SEMA5B: variants seen among roughly 807,000 people sequenced by gnomAD.
SEMA5B encodes the protein semaphorin-5B.
Under a neutral mutation model 135.0 loss-of-function variants are expected in SEMA5B, and 66 were observed. The observed-to-expected ratio is 0.49, with a 90% CI of 0.40 to 0.60. The LOEUF is 0.60. Ranked by LOEUF, SEMA5B falls within the 20% of genes least tolerant of loss-of-function variation. The pLI is 0.00. For missense variants in SEMA5B, 1,501 were observed against 1,566.3 expected (o/e 0.96, Z 0.70); for synonymous variants, 690 against 639.5 (o/e 1.08, Z -1.19).
rs1441329372 is a variant in SEMA5B, at chr3:122,914,716, T to C, written c.1989-715A>G. On this transcript the variant is annotated intron_variant, in intron 14 of 22. Transcript: ENST00000357599. ...TGGGACGCTGAGGTGGGAGGAACAC[T>C]TGAAGCCAGGAGTTTGAGACCAGCC... 3.3e-5 allele frequency among the ~76,000 whole-genome samples: 5 copies of C among 152,202 alleles called. No homozygotes were observed. The South Asian group carries it at 8.3e-4, about 25-fold the overall frequency.
At chr3:122,974,088 C>G (rs1363238232) in intron 1 of SEMA5B, among the ~76,000 whole-genome samples, 3 of 152,002 alleles carry the variant, frequency 2.0e-5, no homozygotes, top group Non-Finnish European at 2.9e-5. Flanking sequence ...GAGAGAGAGC[C>G]CAGGCACACC....
In SEMA5B at chr3:122,922,286, C is replaced by A. The variant is rs567705470; in HGVS notation, c.1434G>T (p.Leu478=). 1 of 1,614,054 alleles carries A rather than the reference C, an allele frequency of 6.2e-7. No homozygotes were observed. Among genetic ancestry groups the A allele is most frequent in the East Asian group, 2.2e-5 (1 of 44,872 alleles). ...GGTAGAGCGTGTCTTTAGCCTGCAC[C>A]AGGTCCACCACGAGGTGTGAGAAGC... ...SVRFSHLVVD[L]VQAKDTLYHV... The change falls in exon 11 of 23, where the codon CTG becomes CTT. Residue 478 remains leucine (L), a synonymous_variant. Transcript: ENST00000357599.
At chr3:122,919,058 T>C (rs574433698) in intron 12 of SEMA5B, among the ~76,000 whole-genome samples, 4 of 150,860 alleles carry the variant, frequency 2.7e-5, no homozygotes, top group Admixed American at 6.6e-5. Context: ...AAGGAACAGG[T>C]TCATTCCATG....
At chr3:122,953,852 AG>A (rs1940163169) in intron 2 of SEMA5B, among the ~76,000 whole-genome samples, 1 of 152,172 alleles carries the variant, frequency 6.6e-6, no homozygotes, top group African/African-American at 2.4e-5. Flanking sequence ...TTATGGTCAA[AG>A]GGGTAGGCCC....
rs570868731 is a variant in SEMA5B at position 122,918,868 on chromosome 3, A to G, written c.1689-2978T>C. ...CTTCAAAGCTTACAGAGCAGGGAAC[A>G]CTCTTAAGAAAAATGAAAGCTCCAA... On this transcript the variant is annotated intron_variant, in intron 12 of 22. Coordinates refer to ENST00000357599, the MANE Select transcript of SEMA5B (RefSeq NM_001031702.4). Among the ~76,000 whole-genome samples the G allele has an allele frequency of 1.8e-4, 27 of 152,102 alleles. 1 individual carries two copies. Among genetic ancestry groups the G allele is most frequent in the African/African-American group, 5.3e-4 (22 of 41,498 alleles).
intron 5 of SEMA5B, among the ~76,000 whole-genome samples, chr3:122,931,240 T>C (rs954513009): frequency 3.5e-4 from 53 of 152,332 alleles, no homozygotes; most frequent in African/African-American, 1.2e-3. Flanking sequence ...AAAATATGTA[T>C]CAATCTCAGT....
intron 11 of SEMA5B, 55 bp downstream of exon 11, chr3:122,922,185 G>A: frequency 1.3e-6 from 2 of 1,571,314 alleles, no homozygotes; most frequent in South Asian, 2.3e-5. Context: ...GCAGCCCCGC[G>A]CCGTCCCTCA....
intron 9 of SEMA5B, among the ~76,000 whole-genome samples, chr3:122,925,860 G>A (rs1938604434): frequency 6.6e-6 from 1 of 151,796 alleles, no homozygotes; most frequent in African/African-American, 2.4e-5. Context: ...CAGAGGGAGG[G>A]GGTGGGAGGA....
intron 1 of SEMA5B, among the ~76,000 whole-genome samples, chr3:123,024,016 G>T (rs1312184188): frequency 2.0e-5 from 3 of 152,172 alleles, no homozygotes; most frequent in Non-Finnish European, 4.4e-5. Flanking sequence ...TCAGCTCTGG[G>T]TTCTTTAAGG....
At chr3:123,016,026 T>A (rs1318320207) in intron 1 of SEMA5B, among the ~76,000 whole-genome samples, 3 of 152,144 alleles carry the variant, frequency 2.0e-5, no homozygotes, top group Non-Finnish European at 4.4e-5. Flanking sequence ...CCAGGTCCAC[T>A]GGAGGGAAGA....
At chr3:123,020,793 C>T (rs979771766) in intron 1 of SEMA5B, among the ~76,000 whole-genome samples, 20 of 152,120 alleles carry the variant, frequency 1.3e-4, no homozygotes, top group African/African-American at 3.6e-4. Context: ...GTGGTTTTTA[C>T]GGAAGCCAGT....
At position 122,924,706 on chromosome 3, in the gene SEMA5B, C is replaced by T. The variant is rs527654831; in HGVS notation, c.1137-954G>A. Among the ~76,000 whole-genome samples, 4 of 152,318 alleles carry T rather than the reference C, an allele frequency of 2.6e-5. No individual in the cohort carries two copies. In the East Asian group the frequency reaches 5.8e-4, roughly 22 times the overall value. Reference sequence around the variant, plus strand: ...TCTTGCCACACTGATCTCTGCTCAGCTCCTGAAACATTTCTTCCCACCTCA... The same window carrying T: ...TCTTGCCACACTGATCTCTGCTCAGTTCCTGAAACATTTCTTCCCACCTCA... On this transcript the variant is annotated intron_variant, in intron 9 of 22. Coordinates refer to ENST00000357599, the MANE Select transcript of SEMA5B (RefSeq NM_001031702.4).
intron 7 of SEMA5B, among the ~76,000 whole-genome samples, chr3:122,928,237 G>T (rs376471573): frequency 3.3e-5 from 5 of 152,128 alleles, no homozygotes; most frequent in Non-Finnish European, 7.4e-5. Context: ...CCAAGGTAAG[G>T]CTGACCAACA....
chr3:122,955,082 G>A (rs1331667951), intron 2 of SEMA5B, among the ~76,000 whole-genome samples: 1 of 151,270 alleles, frequency 6.6e-6, no homozygotes, highest in Non-Finnish European at 1.5e-5. Context: ...GATTGCAGGT[G>A]TTGAGCCTAC....
chr3:122,963,983 A>G (rs1940704453), intron 1 of SEMA5B, among the ~76,000 whole-genome samples: 2 of 151,478 alleles, frequency 1.3e-5, no homozygotes, highest in South Asian at 2.1e-4. Flanking sequence ...CAGGGCTTCC[A>G]CTTCCACCCC....
intron 12 of SEMA5B, among the ~76,000 whole-genome samples, chr3:122,918,083 T>C (rs988596819): frequency 6.6e-6 from 1 of 152,208 alleles, no homozygotes; most frequent in African/African-American, 2.4e-5. Context: ...TTACGTGGCA[T>C]TATAAGTGAC....
chr3:122,943,146 A>AGGCAGGGACCG (rs943967581), intron 4 of SEMA5B, among the ~76,000 whole-genome samples: 6 of 152,158 alleles, frequency 3.9e-5, no homozygotes, highest in African/African-American at 9.7e-5. Context: ...GGCAGGGACC[A>AGGCAGGGACCG]GGCAGGGACC....
At chr3:122,912,114 T>C (rs944266436) in intron 19 of SEMA5B, 45 bp from the exon 20 acceptor site, 12 of 1,591,984 alleles carry the variant, frequency 7.5e-6, no homozygotes, top group Middle Eastern at 1.7e-4. Context: ...AGGGACCCCC[T>C]GGTGGGGATC....
chr3:122,953,704 C>T (rs1940157101), intron 2 of SEMA5B, among the ~76,000 whole-genome samples: 1 of 152,184 alleles, frequency 6.6e-6, no homozygotes, highest in South Asian at 2.1e-4. Flanking sequence ...AGGTATCATA[C>T]TGAAAAAAGA....
Sources: allele counts gnomAD v4.1 joint callset (sites outside exome capture counted in the v4.1 genomes callset), GRCh38; gene constraint gnomAD v4.1.1; transcripts MANE v1.5; gene names NCBI Gene and HGNC (gene_info 2026-07-23, HGNC 2026-07-21).